The following DCAF13 variants were observed in gnomAD, a reference collection of about 807,000 sequenced individuals.
DCAF13 encodes DDB1 and CUL4 associated factor 13.
A neutral mutation model predicts 59.0 loss-of-function variants in DCAF13; 38 were observed. That is an observed-to-expected ratio of 0.64 (90% CI 0.50 to 0.84). The LOEUF is 0.84. Among genes scored for constraint, DCAF13 ranks in the 40% least tolerant of loss-of-function variants. DCAF13 has a pLI of 0.00. For missense variants in DCAF13, 469 were observed against 558.4 expected, an observed-to-expected ratio of 0.84 and a Z score of 1.61; for synonymous variants, 173 against 175.0, an observed-to-expected ratio of 0.99 and a Z score of 0.09.
At chr8:103,428,351 C>G (rs563789152) in intron 5 of DCAF13, 5 of 152,300 alleles carry the variant, frequency 3.3e-5, no homozygotes, top group Admixed American at 2.0e-4. Context: ...TAGAGCTCTG[C>G]TAGAAGACAG....
intron 6 of DCAF13, among the ~76,000 whole-genome samples, chr8:103,431,302 G>A (rs140519539): frequency 3.3e-5 from 5 of 152,294 alleles, no homozygotes; most frequent in Non-Finnish European, 5.9e-5. Flanking sequence ...GGAAAGGAGT[G>A]CCATTGTAAG....
chr8:103,419,973 C>T (rs1314502300), intron 1 of DCAF13, among the ~76,000 whole-genome samples: 1 of 148,404 alleles, frequency 6.7e-6, no homozygotes, highest in Admixed American at 6.7e-5. Context: ...TGCGCCACTG[C>T]ACTCCAGCCT....
intron 8 of DCAF13, among the ~76,000 whole-genome samples, chr8:103,439,291 C>G (rs919247388): frequency 6.7e-6 from 1 of 149,552 alleles, no homozygotes; most frequent in Admixed American, 6.7e-5. Context: ...GCACCTGGCT[C>G]TATTAAATTA....
chr8:103,437,893 A>G (rs548335809), intron 8 of DCAF13, among the ~76,000 whole-genome samples: 5 of 152,360 alleles, frequency 3.3e-5, no homozygotes, highest in African/African-American at 1.2e-4. Context: ...CAAGTAAATT[A>G]ATAGTGTTCA....
Position 103,416,064 on chromosome 8 carries a change from T to C in DCAF13, c.70+548T>C, listed in dbSNP as rs140398410. On this transcript the variant is annotated intron_variant, in intron 1 of 10. Coordinates refer to ENST00000612750, the MANE Select transcript of DCAF13 (RefSeq NM_015420.7). Reference sequence around the variant, plus strand: ...CCCCCGTTAACATGCTAACCACTTATAAATTGTACTTTGTGATACCTAAAT... The same window carrying C: ...CCCCCGTTAACATGCTAACCACTTACAAATTGTACTTTGTGATACCTAAAT... 8.9e-4 allele frequency among the ~76,000 whole-genome samples: 135 copies of C among 152,348 alleles called. No homozygotes were observed. The East Asian group carries it at 0.02, about 22-fold the overall frequency.
intron 1 of DCAF13, among the ~76,000 whole-genome samples, chr8:103,419,681 G>A (rs1816695242): frequency 6.6e-6 from 1 of 152,148 alleles, no homozygotes; most frequent in South Asian, 2.1e-4. Flanking sequence ...CCCTGACAGT[G>A]AACACTTACA....
intron 2 of DCAF13, 40 bp downstream of exon 2, chr8:103,420,503 T>G: frequency 6.4e-7 from 1 of 1,570,434 alleles, no homozygotes; most frequent in Non-Finnish European, 8.7e-7. Flanking sequence ...CTAAAAGTAG[T>G]TATATTACAA....
At chr8:103,422,161 G>T (rs1816730498) in intron 3 of DCAF13, among the ~76,000 whole-genome samples, 1 of 152,156 alleles carries the variant, frequency 6.6e-6, no homozygotes, top group South Asian at 2.1e-4. Context: ...AGAGGTGCCT[G>T]GGAAGAGGTT....
chr8:103,429,146 T>A (rs1462042398), intron 5 of DCAF13: 1 of 152,146 alleles, frequency 6.6e-6, no homozygotes, highest in African/African-American at 2.4e-5. Context: ...GTGTGAAAGG[T>A]GGCATTTGGT....
intron 8 of DCAF13, 145 bp downstream of exon 8, chr8:103,435,935 G>A: frequency 1.3e-6 from 1 of 760,874 alleles, no homozygotes; most frequent in Non-Finnish European, 2.2e-6. Flanking sequence ...ATAACGTGTT[G>A]CACACCTAGG....
At chr8:103,426,717 A>C (rs1816796572) in intron 4 of DCAF13, among the ~76,000 whole-genome samples, 1 of 152,148 alleles carries the variant, frequency 6.6e-6, no homozygotes, top group South Asian at 2.1e-4. Flanking sequence ...ATTAGATTTA[A>C]TCTTTAAATT....
intron 6 of DCAF13, 100 bp downstream of exon 6, chr8:103,430,789 A>T: frequency 2.3e-6 from 2 of 861,996 alleles, no homozygotes; most frequent in Non-Finnish European, 1.8e-6. Context: ...TCTCAGAATT[A>T]AAAAAATCTT....
intron 5 of DCAF13, 115 bp from the exon 6 acceptor site, chr8:103,430,497 T>C (rs1211211096): frequency 3.4e-5 from 22 of 647,010 alleles, no homozygotes; most frequent in Non-Finnish European, 5.9e-5. Flanking sequence ...CCTCTTAAAA[T>C]GGACTTTGTT....
chr8:103,440,698 T>G (rs973834588), intron 9 of DCAF13: 4 of 152,634 alleles, frequency 2.6e-5, no homozygotes, highest in African/African-American at 9.7e-5. Context: ...AATGGAACAT[T>G]TAATAAATAC....
intron 3 of DCAF13, among the ~76,000 whole-genome samples, chr8:103,425,853 T>G (rs940549527): frequency 1.3e-5 from 2 of 152,240 alleles, no homozygotes; most frequent in African/African-American, 4.8e-5. Context: ...CTACTCATTA[T>G]ATTTTTAGTT....
In DCAF13 at chr8:103,426,106, TG is replaced by T. The variant is rs1399196233; in HGVS notation, c.431del (p.Gly144GlufsTer11). ...AGTGGAAAATGGATGGGCCAGGCTA[TG>T]GAGACGAGGAAGAGCCATTACATAC... ...KQWKMDGPGY[G>X]DEEEPLHTIL... On this transcript the variant is annotated frameshift_variant, in exon 4 of 11. Transcript: ENST00000612750. LOFTEE classifies it high-confidence loss of function. 1 of 1,612,656 alleles carries T rather than the reference TG, an allele frequency of 6.2e-7. No individual in the cohort carries two copies. The highest frequency in any genetic ancestry group is 2.2e-5 in the East Asian group (1 of 44,754).
rs1816704302 is a variant in DCAF13 at position 103,420,263 on chromosome 8, G to C, written c.71-1G>C. ...ATTAAGAAGGATCATTCTTATTTCA[G>C]TTCCAAGAAACTATGATCCTGCTTT... is the stretch of plus-strand genomic sequence containing the variant. On this transcript the variant is annotated splice_acceptor_variant, in intron 1 of 10. Coordinates refer to ENST00000612750, the MANE Select transcript of DCAF13 (RefSeq NM_015420.7). LOFTEE classifies it high-confidence loss of function. 2 of 1,612,780 alleles carry C rather than the reference G, an allele frequency of 1.2e-6. No homozygotes were observed. Among genetic ancestry groups the C allele is most frequent in the African/African-American group, 1.3e-5 (1 of 74,960 alleles).
At chr8:103,417,864 A>G (rs1816643237) in intron 1 of DCAF13, among the ~76,000 whole-genome samples, 2 of 152,028 alleles carry the variant, frequency 1.3e-5, no homozygotes, top group Non-Finnish European at 2.9e-5. Flanking sequence ...TCACGCCTGT[A>G]ATCCCAGCAC....
chr8:103,420,643 A>G, intron 2 of DCAF13, 180 bp downstream of exon 2: 1 of 625,394 alleles, frequency 1.6e-6, no homozygotes, highest in East Asian at 2.8e-5. Flanking sequence ...TTATAAATGC[A>G]GTAGTTTAAG....
Sources: gnomAD v4.1 joint callset for allele counts (sites outside exome capture counted in the v4.1 genomes callset) on GRCh38, gnomAD v4.1.1 for gene constraint, MANE v1.5 for transcripts, NCBI Gene and HGNC (gene_info 2026-07-23, HGNC 2026-07-21) for gene names.